FGFR1: variants seen among roughly 807,000 people sequenced by gnomAD.
The protein encoded by FGFR1 is FGFR1/PLAG1 fusion.
FGFR1 carries 18 observed loss-of-function variants against 93.7 expected under a neutral mutation model. That is an observed-to-expected ratio of 0.19 (90% CI 0.13 to 0.28). FGFR1 has a LOEUF of 0.28. Among genes scored for constraint, FGFR1 ranks in the 10% least tolerant of loss-of-function variants. The pLI is 1.00. For synonymous variants in FGFR1, 448 were observed against 429.3 expected, an observed-to-expected ratio of 1.04 and a Z score of -0.54; for missense variants, 731 against 1,080.4, an observed-to-expected ratio of 0.68 and a Z score of 4.53.
Position 38,468,250 on chromosome 8 carries a change from G to T in FGFR1, c.-358C>A, listed in dbSNP as rs17175673. On this transcript the variant is annotated 5_prime_UTR_variant, in exon 1 of 18. Coordinates refer to ENST00000447712, the MANE Select transcript of FGFR1 (RefSeq NM_023110.3). Reference sequence around the variant, plus strand: ...CCGCCACCCGGGGTCTCCAGACCTTGTGCCCCCCTCCTCCAGAACGCAGCG... The same window carrying T: ...CCGCCACCCGGGGTCTCCAGACCTTTTGCCCCCCTCCTCCAGAACGCAGCG... 4.4e-6 allele frequency: 1 copy of T among 228,664 alleles called. No homozygotes were observed. Among genetic ancestry groups the T allele is most frequent in the East Asian group, 6.1e-5 (1 of 16,380 alleles). The allele number at this position is 228,664 out of a possible 1,614,324, so 14.2% of individuals were successfully genotyped here.
At chr8:38,458,493 A>G (rs1833510709) in intron 1 of FGFR1, among the ~76,000 whole-genome samples, 1 of 152,162 alleles carries the variant, frequency 6.6e-6, no homozygotes, top group Non-Finnish European at 1.5e-5. Flanking sequence ...GTGAGCCGAG[A>G]TCGCAGCACT....
chr8:38,414,651 T>C (rs201846022), intron 14 of FGFR1, 22 bp from the exon 15 acceptor site: 131 of 1,612,110 alleles, frequency 8.1e-5, no homozygotes, highest in Admixed American at 2.2e-4. Context: ...ACAGGGGAGG[T>C]TGGAGTGGCC....
Position 38,429,728 on chromosome 8 carries a change from G to A in FGFR1, c.312C>T (p.Ser104=), listed in dbSNP as rs1822205252. Residue 104 remains serine (S), a synonymous_variant, in exon 3 of 18, where the codon AGC becomes AGT. Coordinates refer to ENST00000447712, the MANE Select transcript of FGFR1 (RefSeq NM_023110.3). The surrounding 1 kb of genome is among the most constrained non-coding windows in gnomAD (Gnocchi z 4.4). ...ADSGLYACVT[S]SPSGSDTTYF... is the part of the protein sequence containing the mutation. Reference sequence around the variant, plus strand: ...AGGTGGTGTCACTGCCCGAGGGGCTGCTGGTTACGCAAGCATAGAGGCCGG... The same window carrying A: ...AGGTGGTGTCACTGCCCGAGGGGCTACTGGTTACGCAAGCATAGAGGCCGG... 1 of 1,581,214 alleles carries A rather than the reference G, an allele frequency of 6.3e-7. No individual in the cohort carries two copies. Among genetic ancestry groups the A allele is most frequent in the Non-Finnish European group, 8.6e-7 (1 of 1,163,264 alleles).
chr8:38,465,634 T>C (rs1835326434), intron 1 of FGFR1: 1 of 223,706 alleles, frequency 4.5e-6, no homozygotes, highest in Non-Finnish European at 8.9e-6. Context: ...CGGCCGGCAA[T>C]AGCAGAGGCT....
At chr8:38,421,715 G>C (rs2150748161) in intron 8 of FGFR1, 82 bp downstream of exon 8, 1 of 1,461,132 alleles carries the variant, frequency 6.8e-7, no homozygotes, top group Non-Finnish European at 9.6e-7. Flanking sequence ...CTGCCTCTGT[G>C]TCTCCCCAAG....
At chr8:38,415,756 CCAGTGCT>C in intron 13 of FGFR1, 107 bp downstream of exon 13, 1 of 1,021,434 alleles carries the variant, frequency 9.8e-7, no homozygotes. Flanking sequence ...GCACACAGGG[CCAGTGCT>C]CAGTGCATCC....
chr8:38,430,179 A>T (rs1389746058), intron 2 of FGFR1: 2 of 571,280 alleles, frequency 3.5e-6, no homozygotes, highest in Non-Finnish European at 3.1e-6. Context: ...CCACTCCTCC[A>T]AAAGTCAAAG....
At position 38,429,529 on chromosome 8, in the gene FGFR1, G is replaced by T; in HGVS notation, c.358+153C>A. 1.1e-6 allele frequency: 1 copy of T among 917,956 alleles called. No individual in the cohort carries two copies. Among genetic ancestry groups the T allele is most frequent in the Non-Finnish European group, 1.7e-6 (1 of 593,552 alleles). The allele number at this position is 917,956 out of a possible 1,614,324, so 56.9% of individuals were successfully genotyped here. ...ACCTCTCTGAGAGCCAAGCCACGCG[G>T]CAGGCAGGGAGCAATGTTAGTGGGC... On this transcript the variant is annotated intron_variant, in intron 3 of 17. Transcript: ENST00000447712. This position sits in a 1 kb window ranked among gnomAD's most constrained non-coding sequence, Gnocchi z 4.4.
At chr8:38,436,098 G>A (rs1387642100) in intron 2 of FGFR1, among the ~76,000 whole-genome samples, 2 of 152,186 alleles carry the variant, frequency 1.3e-5, no homozygotes, top group Non-Finnish European at 2.9e-5. Context: ...TTGCGGACTG[G>A]GTGCAGTGGC....
chr8:38,447,643 G>A (rs1280442968), intron 2 of FGFR1, among the ~76,000 whole-genome samples: 6 of 152,012 alleles, frequency 3.9e-5, no homozygotes, highest in South Asian at 4.2e-4. Context: ...CATCATGACC[G>A]GCTAATTTTT....
intron 2 of FGFR1, among the ~76,000 whole-genome samples, chr8:38,446,109 G>A (rs1370650515): frequency 1.3e-5 from 2 of 151,496 alleles, no homozygotes; most frequent in African/African-American, 4.9e-5. Context: ...GGAAAAGGGT[G>A]TCCTTCCTTC....
Position 38,429,301 on chromosome 8 carries a change from C to T in FGFR1, c.358+381G>A, listed in dbSNP as rs1430845451. On this transcript the variant is annotated intron_variant, in intron 3 of 17. Transcript: ENST00000447712. The surrounding 1 kb of genome is among the most constrained non-coding windows in gnomAD (Gnocchi z 4.4). ...CCACCACCTGTTCAGGGCCTCTAAT[C>T]ACTAAGCCGAGTACCAAGTCCAAAT... The T allele has an allele frequency of 3.7e-6, 2 of 545,378 alleles. No homozygotes were observed. The highest frequency in any genetic ancestry group is 7.2e-6 in the Non-Finnish European group (2 of 278,970). 33.8% of individuals were successfully genotyped at this position (545,378 alleles called of 1,614,324 possible). A position where few individuals can be genotyped will look rare whatever the true frequency, so the allele number is the denominator to read the frequency against.
At chr8:38,450,312 A>G (rs776785910) in intron 2 of FGFR1, among the ~76,000 whole-genome samples, 4 of 152,190 alleles carry the variant, frequency 2.6e-5, no homozygotes, top group Non-Finnish European at 5.9e-5. Flanking sequence ...CCCGGTCAAC[A>G]GGGAAACAGT....
chr8:38,429,986 G>A lies in FGFR1; in HGVS notation c.92-38C>T, dbSNP rs2150968902. The A allele has an allele frequency of 6.4e-7, 1 of 1,573,926 alleles. No homozygotes were observed. The highest frequency in any genetic ancestry group is 2.3e-5 in the East Asian group (1 of 43,460). On this transcript the variant is annotated intron_variant, in intron 2 of 17. Coordinates refer to ENST00000447712, the MANE Select transcript of FGFR1 (RefSeq NM_023110.3). The surrounding 1 kb of genome is among the most constrained non-coding windows in gnomAD (Gnocchi z 4.4). ...CGGGGCCGGGAAGGGAAGCCAAGGG[G>A]CGAGAGAGGAAGACAGGGAGAGGGG...
chr8:38,433,098 G>A (rs999706277), intron 2 of FGFR1, among the ~76,000 whole-genome samples: 18 of 152,150 alleles, frequency 1.2e-4, no homozygotes, highest in African/African-American at 4.3e-4. Context: ...AGCACTTGGG[G>A]AGGCTGAGGC....
At chr8:38,460,110 G>A (rs1173047339) in intron 1 of FGFR1, among the ~76,000 whole-genome samples, 1 of 152,188 alleles carries the variant, frequency 6.6e-6, no homozygotes, top group African/African-American at 2.4e-5. Context: ...TTGAATTTGG[G>A]AGGTGGAGGT....
intron 1 of FGFR1, among the ~76,000 whole-genome samples, chr8:38,465,080 G>T (rs1835206296): frequency 6.6e-6 from 1 of 152,176 alleles, no homozygotes; most frequent in Non-Finnish European, 1.5e-5. Flanking sequence ...AGTCCACCAG[G>T]AATAAAGCTA....
At position 38,418,233 on chromosome 8, in the gene FGFR1, C is replaced by T. The variant is rs377292915; in HGVS notation, c.1425G>A (p.Arg475=). 1.1e-5 allele frequency: 17 copies of T among 1,614,054 alleles called. No homozygotes were observed. Among genetic ancestry groups the T allele is most frequent in the Non-Finnish European group, 1.4e-5 (16 of 1,180,044 alleles). Residue 475 remains arginine, a synonymous_variant, in exon 10 of 18, where the codon CGG becomes CGA. Transcript: ENST00000447712. ...LPEDPRWELP[R]DRLVLGKPLG... ...GGGAGTCAAAGTATTATTACCTGTCCCGAGGCAGCTCCCAGCGAGGGTCTT... is the reference window on the plus strand; with the variant it reads ...GGGAGTCAAAGTATTATTACCTGTCTCGAGGCAGCTCCCAGCGAGGGTCTT...
chr8:38,462,723 C>T (rs1834685253), intron 1 of FGFR1, among the ~76,000 whole-genome samples: 1 of 151,822 alleles, frequency 6.6e-6, no homozygotes, highest in Admixed American at 6.6e-5. Flanking sequence ...GATTCTCCTG[C>T]CTCCCAAGTA....
Sources: gnomAD v4.1 joint callset for allele counts (sites outside exome capture counted in the v4.1 genomes callset) on GRCh38, gnomAD v4.1.1 for gene constraint, Gnocchi (gnomAD v3.1) non-coding constraint, MANE v1.5 for transcripts, NCBI Gene and HGNC (gene_info 2026-07-23, HGNC 2026-07-21) for gene names.